BCAS1: variants seen among roughly 807,000 people sequenced by gnomAD.
BCAS1 encodes brain enriched myelin associated protein 1, also known as breast carcinoma-amplified sequence 1.
BCAS1 carries 46 observed loss-of-function variants against 65.4 expected under a neutral mutation model. That is an observed-to-expected ratio of 0.70 (90% CI 0.55 to 0.90). BCAS1 has a LOEUF of 0.90. Ranked by LOEUF, BCAS1 falls within the 40% of genes least tolerant of loss-of-function variation. BCAS1 has a pLI of 0.00. For missense variants in BCAS1, 793 were observed against 771.2 expected (o/e 1.03, Z -0.33); for synonymous variants, 298 against 293.5 (o/e 1.02, Z -0.16).
At chr20:54,029,204 A>C in intron 3 of BCAS1, 1 of 985,398 alleles carries the variant, frequency 1.0e-6, no homozygotes, top group Non-Finnish European at 1.2e-6. Context: ...ATGGAAAGTC[A>C]CTAGCTGCCA....
At chr20:53,965,784 T>C (rs2090009919) in intron 10 of BCAS1, among the ~76,000 whole-genome samples, 2 of 152,202 alleles carry the variant, frequency 1.3e-5, no homozygotes, top group African/African-American at 2.4e-5. Flanking sequence ...ATGCCTGATA[T>C]TCTTTATGTA....
chr20:54,021,457 A>T lies in BCAS1; in HGVS notation c.723+6935T>A, dbSNP rs114044006. Among the ~76,000 whole-genome samples the T allele has an allele frequency of 9.5e-3, 1,103 of 115,848 alleles. 21 individuals carry two copies. The highest frequency in any genetic ancestry group is 0.03 in the African/African-American group (1,019 of 34,274). The allele number at this position is 115,848 out of a possible 152,430, so 76.0% of individuals were successfully genotyped here. A position where few individuals can be genotyped will look rare whatever the true frequency, so the allele number is the denominator to read the frequency against. The stretch of plus-strand genomic sequence containing the variant: ...TTGTCTCATGGTGTATATGTACCAC[A>T]TTTTCTTTACCCAGTCTATTGTTGA... On this transcript the variant is annotated intron_variant, in intron 4 of 12. Coordinates refer to ENST00000688948, the MANE Select transcript of BCAS1 (RefSeq NM_001366298.2).
intron 12 of BCAS1, among the ~76,000 whole-genome samples, chr20:53,951,247 C>T (rs1031064800): frequency 1.3e-5 from 2 of 151,946 alleles, no homozygotes; most frequent in Non-Finnish European, 1.5e-5. Context: ...CTGAGGCGGG[C>T]GGATCACTCG....
chr20:54,012,213 G>T (rs1037482815), intron 4 of BCAS1, among the ~76,000 whole-genome samples: 2 of 152,164 alleles, frequency 1.3e-5, no homozygotes, highest in Non-Finnish European at 2.9e-5. Flanking sequence ...TAGCAATGGA[G>T]AACAGACTAG....
At chr20:54,015,229 A>G (rs2091409800) in intron 4 of BCAS1, among the ~76,000 whole-genome samples, 1 of 151,828 alleles carries the variant, frequency 6.6e-6, no homozygotes. Context: ...ATGGGGTTTC[A>G]CCATGTTGGC....
At chr20:54,013,399 A>C (rs2091363631) in intron 4 of BCAS1, among the ~76,000 whole-genome samples, 1 of 152,226 alleles carries the variant, frequency 6.6e-6, no homozygotes, top group Non-Finnish European at 1.5e-5. Context: ...CATGAAAAGG[A>C]AGATTGAAAA....
At chr20:53,984,944 C>T (rs2090573596) in intron 8 of BCAS1, among the ~76,000 whole-genome samples, 1 of 152,048 alleles carries the variant, frequency 6.6e-6, no homozygotes, top group African/African-American at 2.4e-5. Flanking sequence ...TAAGAGTGCT[C>T]AAAGAGACCA....
intron 10 of BCAS1, among the ~76,000 whole-genome samples, chr20:53,964,062 G>A (rs1003310471): frequency 1.3e-5 from 2 of 152,204 alleles, no homozygotes; most frequent in Non-Finnish European, 2.9e-5. Context: ...CTGGAACATA[G>A]TGGACACTCA....
At chr20:53,992,180 G>T (rs970230840) in intron 7 of BCAS1, among the ~76,000 whole-genome samples, 1 of 152,056 alleles carries the variant, frequency 6.6e-6, no homozygotes, top group Non-Finnish European at 1.5e-5. Flanking sequence ...TAGAAAATAG[G>T]TCAATTTCAA....
Position 54,058,648 on chromosome 20 carries a change from T to A in BCAS1, c.71A>T (p.Gln24Leu). Residue 24 changes from glutamine (Q) to leucine (L), a missense_variant and splice_region_variant, in exon 2 of 13, where the codon CAG (glutamine) becomes CTG (leucine). Coordinates refer to ENST00000688948, the MANE Select transcript of BCAS1 (RefSeq NM_001366298.2). ...CCCCTGTAATGGTTACTACACTACCTGGTAAGTCTCTGCTTCTGGTTCATT... is the reference window on the plus strand; with the variant it reads ...CCCCTGTAATGGTTACTACACTACCAGGTAAGTCTCTGCTTCTGGTTCATT... ...QENEPEAETY[Q>L]DNASALNGVP... 6.4e-7 allele frequency: 1 copy of A among 1,567,540 alleles called. No individual in the cohort carries two copies. Among genetic ancestry groups the A allele is most frequent in the Non-Finnish European group, 8.7e-7 (1 of 1,150,058 alleles).
intron 4 of BCAS1, among the ~76,000 whole-genome samples, chr20:53,999,171 A>T (rs1014215561): frequency 5.9e-5 from 9 of 152,236 alleles, no homozygotes; most frequent in Non-Finnish European, 1.0e-4. Context: ...GTGTATATAA[A>T]TATAGACTAC....
chr20:53,975,363 A>T, intron 9 of BCAS1, 26 bp downstream of exon 9: 1 of 1,603,924 alleles, frequency 6.2e-7, no homozygotes, highest in Non-Finnish European at 8.5e-7. Context: ...GAATGGAATG[A>T]TTCTGCCGTG....
At position 53,975,072 on chromosome 20, in the gene BCAS1, G is replaced by A. The variant is rs541968367; in HGVS notation, c.1317+317C>T. ...GTCAAGGTGGAATGAAGCAGAAGGC[G>A]GAGCATCATTATCCCTCAAGGAAGC... On this transcript the variant is annotated intron_variant, in intron 9 of 12. Transcript: ENST00000688948. 2.4e-4 allele frequency among the ~76,000 whole-genome samples: 37 copies of A among 152,272 alleles called. No homozygotes were observed. The South Asian group carries it at 7.0e-3, about 29-fold the overall frequency.
intron 3 of BCAS1, 26 bp downstream of exon 3, chr20:54,058,059 G>A: frequency 6.3e-7 from 1 of 1,583,096 alleles, no homozygotes; most frequent in South Asian, 1.1e-5. Flanking sequence ...CGAGAGGGTA[G>A]ATGCCCTTCC....
rs192653830 is a variant in BCAS1, at chr20:53,998,689, G to T, written c.724-2639C>A. 2.8e-3 allele frequency among the ~76,000 whole-genome samples: 433 copies of T among 152,260 alleles called. 5 individuals carry two copies. The highest frequency in any genetic ancestry group is 2.3e-3 in the Non-Finnish European group (157 of 68,026). On this transcript the variant is annotated intron_variant, in intron 4 of 12. Transcript: ENST00000688948. Reference sequence around the variant, plus strand: ...AGGTAAGGACAGATGTGCAAATTACGTCAACTACTTATTAAGCATTACATG... The same window carrying T: ...AGGTAAGGACAGATGTGCAAATTACTTCAACTACTTATTAAGCATTACATG...
At chr20:53,974,648 A>C (rs1409472954) in intron 9 of BCAS1, among the ~76,000 whole-genome samples, 2 of 152,222 alleles carry the variant, frequency 1.3e-5, no homozygotes, top group African/African-American at 2.4e-5. Context: ...GGAGCTGTGA[A>C]TTCACTTATC....
intron 4 of BCAS1, among the ~76,000 whole-genome samples, chr20:53,997,033 C>A (rs528915850): frequency 2.0e-5 from 3 of 152,334 alleles, no homozygotes; most frequent in Non-Finnish European, 4.4e-5. Flanking sequence ...TCCTTAAGGT[C>A]ATAAGTGTCA....
chr20:53,954,238 T>C (rs1251577598), intron 11 of BCAS1, among the ~76,000 whole-genome samples: 1 of 151,134 alleles, frequency 6.6e-6, no homozygotes, highest in Admixed American at 6.6e-5. Context: ...CCAATATTTC[T>C]AGGGAAAATC....
intron 10 of BCAS1, among the ~76,000 whole-genome samples, chr20:53,960,174 G>A (rs1418667963): frequency 6.6e-6 from 1 of 152,178 alleles, no homozygotes; most frequent in South Asian, 2.1e-4. Flanking sequence ...GACATGAAGA[G>A]TCACGCATGA....
Sources: gnomAD v4.1 joint callset for allele counts (sites outside exome capture counted in the v4.1 genomes callset) on GRCh38, gnomAD v4.1.1 for gene constraint, MANE v1.5 for transcripts, NCBI Gene and HGNC (gene_info 2026-07-23, HGNC 2026-07-21) for gene names.